RHBDD1: variants seen among roughly 807,000 people sequenced by gnomAD.
The protein encoded by RHBDD1 is rhomboid-related protein 4.
In RHBDD1, 38 loss-of-function variants were observed where a neutral mutation model predicts 36.3. The observed-to-expected ratio is 1.05, with a 90% CI of 0.81 to 1.37. The LOEUF (loss-of-function observed/expected upper bound fraction) is 1.37. RHBDD1 is among the 40% of genes most tolerant of loss of function. The pLI, the probability that RHBDD1 is intolerant of heterozygous loss-of-function variation, is 0.00. For missense variants in RHBDD1, 393 were observed against 377.6 expected (o/e 1.04, Z -0.34); for synonymous variants, 151 against 136.5 (o/e 1.11, Z -0.74).
At chr2:226,907,117 A>G (rs1559256721) in intron 6 of RHBDD1, 2 of 584,870 alleles carry the variant, frequency 3.4e-6, no homozygotes, top group Admixed American at 5.9e-5. Context: ...AAATATCAGT[A>G]TATATTTATA....
chr2:226,944,006 T>C (rs1270507736), intron 8 of RHBDD1, among the ~76,000 whole-genome samples: 3 of 152,246 alleles, frequency 2.0e-5, no homozygotes, highest in African/African-American at 7.2e-5. Flanking sequence ...TGACAGGCCA[T>C]TGGCCTGTGT....
chr2:226,893,802 C>G (rs1412277086), intron 5 of RHBDD1, among the ~76,000 whole-genome samples: 1 of 152,086 alleles, frequency 6.6e-6, no homozygotes, highest in African/African-American at 2.4e-5. Context: ...TACTAGCTGT[C>G]TCACAGCTTA....
intron 7 of RHBDD1, among the ~76,000 whole-genome samples, chr2:226,909,379 T>C (rs1229980078): frequency 1.3e-5 from 2 of 152,194 alleles, no homozygotes; most frequent in Admixed American, 6.5e-5. Context: ...AGACTTCCTG[T>C]TAAAAGCGTA....
At chr2:226,877,918 A>T (rs773777100) in intron 5 of RHBDD1, among the ~76,000 whole-genome samples, 3 of 152,210 alleles carry the variant, frequency 2.0e-5, no homozygotes, top group Non-Finnish European at 1.5e-5. Context: ...ATGCTAAGGC[A>T]TCAGCAGTTG....
In RHBDD1 at chr2:226,914,352, G is replaced by A; in HGVS notation, c.856+1G>A. 1 of 1,612,690 alleles carries A rather than the reference G, an allele frequency of 6.2e-7. No individual in the cohort carries two copies. Among genetic ancestry groups the A allele is most frequent in the Non-Finnish European group, 8.5e-7 (1 of 1,179,260 alleles). ...TTACAAGCCAGCCTCTGGGACCGAG[G>A]TAGGAGTCTTGCGCCCTTCAGTTAT... On this transcript the variant is annotated splice_donor_variant, in intron 8 of 8. Transcript: ENST00000392062. LOFTEE classifies it high-confidence loss of function.
intron 8 of RHBDD1, among the ~76,000 whole-genome samples, chr2:226,937,689 C>T (rs552304764): frequency 4.2e-4 from 64 of 152,144 alleles, no homozygotes; most frequent in African/African-American, 1.5e-3. Context: ...TGAGAACATG[C>T]GGTATTAAGT....
chr2:226,935,832 G>A (rs1321471362), intron 8 of RHBDD1, among the ~76,000 whole-genome samples: 1 of 152,080 alleles, frequency 6.6e-6, no homozygotes, highest in African/African-American at 2.4e-5. Flanking sequence ...ATATAAAGCA[G>A]ATCTAACTTG....
At chr2:226,864,539 C>T (rs751300950) in intron 3 of RHBDD1, 65 bp from the exon 4 acceptor site, 116 of 630,348 alleles carry the variant, frequency 1.8e-4, no homozygotes, top group Admixed American at 9.9e-4. Context: ...TGTCTTGAAG[C>T]GAGTATGTCT....
At chr2:226,877,653 C>T (rs1033322505) in intron 5 of RHBDD1, among the ~76,000 whole-genome samples, 2 of 150,216 alleles carry the variant, frequency 1.3e-5, no homozygotes, top group African/African-American at 4.9e-5. Flanking sequence ...GCTCATTCAT[C>T]TCACAGCTCA....
rs1483456944 is a variant in RHBDD1, at chr2:226,947,752, C to T, written c.856+33401C>T. ...AAAAACAACCCCATCAAAAAGTGGG[C>T]GAAGGACATGAACAGACACTTCTCA... is the stretch of plus-strand genomic sequence containing the variant. On this transcript the variant is annotated intron_variant, in intron 8 of 8. Coordinates refer to ENST00000392062, the MANE Select transcript of RHBDD1 (RefSeq NM_001167608.3). Among the ~76,000 whole-genome samples, 7 of 152,212 alleles carry T rather than the reference C, an allele frequency of 4.6e-5. No individual in the cohort carries two copies. The East Asian group carries it at 5.8e-4, about 13-fold the overall frequency.
chr2:226,961,032 G>T (rs1952156692), intron 8 of RHBDD1, among the ~76,000 whole-genome samples: 1 of 152,170 alleles, frequency 6.6e-6, no homozygotes, highest in Non-Finnish European at 1.5e-5. Flanking sequence ...TTAAATATAT[G>T]TAAAGCGTAA....
At chr2:226,900,632 G>C (rs1475695941) in intron 5 of RHBDD1, among the ~76,000 whole-genome samples, 1 of 152,144 alleles carries the variant, frequency 6.6e-6, no homozygotes, top group African/African-American at 2.4e-5. Flanking sequence ...TGGACAGGGG[G>C]AGGCTGTGTT....
intron 5 of RHBDD1, among the ~76,000 whole-genome samples, chr2:226,894,090 G>A (rs142654451): frequency 9.2e-5 from 14 of 152,156 alleles, no homozygotes; most frequent in African/African-American, 1.9e-4. Flanking sequence ...TTAACCTCAC[G>A]TAAACTCACA....
intron 8 of RHBDD1, among the ~76,000 whole-genome samples, chr2:226,993,409 A>C (rs1235910943): frequency 6.6e-6 from 1 of 152,216 alleles, no homozygotes; most frequent in Non-Finnish European, 1.5e-5. Context: ...GCCTGCACTC[A>C]CAAGTGCAAT....
At chr2:226,829,616 T>G in the RHBDD1 span, among the ~76,000 whole-genome samples, 1 of 152,238 alleles carries the variant, frequency 6.6e-6, no homozygotes, top group African/African-American at 2.4e-5. Context: ...CGATGCTACC[T>G]GGAATGAAAT....
chr2:226,836,834 G>T (rs972320240), intron 1 of RHBDD1, among the ~76,000 whole-genome samples: 2 of 152,148 alleles, frequency 1.3e-5, no homozygotes, highest in African/African-American at 4.8e-5. Flanking sequence ...GTGTCTTTTT[G>T]AGGTAGTTCT....
At chr2:226,866,308 G>A (rs376341381) in intron 4 of RHBDD1, among the ~76,000 whole-genome samples, 14 of 152,276 alleles carry the variant, frequency 9.2e-5, no homozygotes, top group African/African-American at 3.4e-4. Flanking sequence ...TTGACCTTGT[G>A]ATTCACCCAC....
chr2:226,901,947 C>CT (rs1947632726), intron 5 of RHBDD1, among the ~76,000 whole-genome samples: 1 of 152,052 alleles, frequency 6.6e-6, no homozygotes, highest in Non-Finnish European at 1.5e-5. Flanking sequence ...CTGATAGTTA[C>CT]GTACTGAGTG....
chr2:226,883,684 A>T (rs1945969809), intron 5 of RHBDD1, among the ~76,000 whole-genome samples: 1 of 152,202 alleles, frequency 6.6e-6, no homozygotes, highest in Non-Finnish European at 1.5e-5. Flanking sequence ...TGACTTGGTG[A>T]CAGGTGCGAG....
Sources: gnomAD v4.1 joint callset for allele counts (sites outside exome capture counted in the v4.1 genomes callset) on GRCh38, gnomAD v4.1.1 for gene constraint, MANE v1.5 for transcripts, NCBI Gene and HGNC (gene_info 2026-07-23, HGNC 2026-07-21) for gene names.